IQSEC1: variants seen among roughly 807,000 people sequenced by gnomAD.
The protein encoded by IQSEC1 is IQ motif and SEC7 domain-containing protein 1.
Under a neutral mutation model 91.0 loss-of-function variants are expected in IQSEC1, and 31 were observed. The ratio of observed to expected loss-of-function variants is 0.34; its 90% confidence interval spans 0.26 to 0.46. The LOEUF is 0.46. Ranked by LOEUF, IQSEC1 falls within the 20% of genes least tolerant of loss-of-function variation. The probability of loss-of-function intolerance (pLI) is 1.00; values close to 1 mark genes in which losing one functional copy is unlikely to be tolerated. For missense variants in IQSEC1, 1,388 were observed against 1,575.6 expected (o/e 0.88, Z 2.02); for synonymous variants, 699 against 662.6 (o/e 1.05, Z -0.84).
At chr3:12,952,630 C>A (rs543349228) in intron 1 of IQSEC1, among the ~76,000 whole-genome samples, 3 of 152,354 alleles carry the variant, frequency 2.0e-5, no homozygotes, top group African/African-American at 7.2e-5. Context: ...AGCCATTCCT[C>A]CTGCCACCCT....
Position 12,899,139 on chromosome 3 carries a change from G to C in IQSEC1, c.*1844C>G. The C allele has an allele frequency of 1.8e-6, 1 of 547,660 alleles. No individual in the cohort carries two copies. The highest frequency in any genetic ancestry group is 3.3e-6 in the Non-Finnish European group (1 of 304,776). 33.9% of individuals were successfully genotyped at this position (547,660 alleles called of 1,614,324 possible). A position where few individuals can be genotyped will look rare whatever the true frequency, so the allele number is the denominator to read the frequency against. ...TGGTTTGCAGATTTGCTGGTACGGT[G>C]ATCTCAATGATATGACCGAGGGTGG... On this transcript the variant is annotated 3_prime_UTR_variant, in exon 14 of 14. Transcript: ENST00000613206.
intron 1 of IQSEC1, among the ~76,000 whole-genome samples, chr3:12,981,357 G>A (rs1030470932): frequency 2.0e-5 from 3 of 152,172 alleles, no homozygotes; most frequent in Non-Finnish European, 2.9e-5. Context: ...CCACATTTGT[G>A]TTTAAAAATG....
chr3:13,239,205 T>G (rs1317879120), intron 1 of IQSEC1, among the ~76,000 whole-genome samples: 1 of 152,238 alleles, frequency 6.6e-6, no homozygotes, highest in Non-Finnish European at 1.5e-5. Context: ...CTCCGGTTTA[T>G]GCTGGCGGAC....
rs546483075 is a variant in IQSEC1, at chr3:13,176,428, C to T, written c.273-12295G>A. Among the ~76,000 whole-genome samples the T allele has an allele frequency of 3.3e-5, 5 of 152,350 alleles. No homozygotes were observed. The East Asian group carries it at 9.6e-4, about 29-fold the overall frequency. On this transcript the variant is annotated intron_variant, in intron 1 of 15. Transcript: ENST00000648114. Reference sequence around the variant, plus strand: ...TGAGAGACACCTTCTTCCACCCTTACCCCTAGCCTGACCCTTGGGAGCCTC... The same window carrying T: ...TGAGAGACACCTTCTTCCACCCTTATCCCTAGCCTGACCCTTGGGAGCCTC...
chr3:13,040,601 G>T (rs1704224365), intron 1 of IQSEC1, among the ~76,000 whole-genome samples: 1 of 152,158 alleles, frequency 6.6e-6, no homozygotes, highest in African/African-American at 2.4e-5. Flanking sequence ...ATCCTTCATG[G>T]GCTCCCCACT....
intron 1 of IQSEC1, among the ~76,000 whole-genome samples, chr3:13,038,299 A>ATATATATATATAT: frequency 1.2e-5 from 1 of 83,504 alleles, no homozygotes; most frequent in African/African-American, 4.0e-5. Context: ...TATATATATA[A>ATATATATATATAT]AATGAAGTAC....
chr3:12,915,022 T>G, intron 8 of IQSEC1, 82 bp downstream of exon 8: 1 of 1,427,730 alleles, frequency 7.0e-7, no homozygotes, highest in Non-Finnish European at 9.7e-7. Context: ...TCTGGGAGCC[T>G]GGGGAGCCGG....
chr3:12,920,245 C>A (rs939191603), intron 6 of IQSEC1, among the ~76,000 whole-genome samples, 185 bp downstream of exon 6: 3 of 152,238 alleles, frequency 2.0e-5, no homozygotes, highest in East Asian at 3.9e-4. Context: ...CACGGGGGCT[C>A]CTCTAAGGCA....
Position 13,267,621 on chromosome 3 carries a change from CT to C in IQSEC1, c.272+15089del, listed in dbSNP as rs559615780. Reference sequence around the variant, plus strand: ...GCAAATTTCTTTTTTTTTTCTTTTTCTTTTTTTTTTTTTTTAGACAGAGTCT... The same window carrying C: ...GCAAATTTCTTTTTTTTTTCTTTTTCTTTTTTTTTTTTTTAGACAGAGTCT... On this transcript the variant is annotated intron_variant, in intron 1 of 15. Coordinates refer to the IQSEC1 transcript ENST00000648114. Among the ~76,000 whole-genome samples the C allele has an allele frequency of 4.1e-3, 556 of 134,548 alleles. 4 individuals carry two copies. Among genetic ancestry groups the C allele is most frequent in the African/African-American group, 6.9e-3 (252 of 36,410 alleles). The allele number at this position is 134,548 out of a possible 152,430, so 88.3% of individuals were successfully genotyped here. A position where few individuals can be genotyped will look rare whatever the true frequency, so the allele number is the denominator to read the frequency against.
intron 1 of IQSEC1, among the ~76,000 whole-genome samples, chr3:13,265,889 TTA>T (rs1491264227): frequency 5.6e-5 from 6 of 107,542 alleles, no homozygotes; most frequent in African/African-American, 7.6e-5. Flanking sequence ...CTACGGGCAT[TTA>T]AAAAAAAAAA....
At chr3:12,952,665 G>A (rs1699630920) in intron 1 of IQSEC1, among the ~76,000 whole-genome samples, 2 of 152,170 alleles carry the variant, frequency 1.3e-5, no homozygotes, top group Admixed American at 1.3e-4. Flanking sequence ...GGCCACTCCA[G>A]CCCAGCCCCC....
intron 1 of IQSEC1, among the ~76,000 whole-genome samples, chr3:13,250,480 T>G (rs1695175844): frequency 6.7e-6 from 1 of 149,310 alleles, no homozygotes; most frequent in African/African-American, 2.5e-5. Context: ...GTGCAGTGGC[T>G]TGATCTTGGC....
intron 1 of IQSEC1, among the ~76,000 whole-genome samples, chr3:13,018,716 G>C (rs944492716): frequency 3.3e-5 from 5 of 152,172 alleles, no homozygotes; most frequent in Non-Finnish European, 7.4e-5. Context: ...ATCCCCACAC[G>C]CATCTCACAG....
chr3:13,032,136 G>C (rs890482867), intron 1 of IQSEC1, among the ~76,000 whole-genome samples: 4 of 152,146 alleles, frequency 2.6e-5, no homozygotes. Flanking sequence ...TTGTTTGAGA[G>C]TAAGGTGCCC....
In IQSEC1 at chr3:13,019,310, C is replaced by T. The variant is rs572908107; in HGVS notation, c.23+53682G>A. 3.7e-4 allele frequency among the ~76,000 whole-genome samples: 56 copies of T among 152,386 alleles called. 1 individual carries two copies. The highest frequency in any genetic ancestry group is 1.3e-3 in the African/African-American group (56 of 41,600). ...GTCGCCAAACCCCTGGGCAGAGGGC[C>T]AGGGCTGGCAGGCGCACAGCTGCTC... On this transcript the variant is annotated intron_variant, in intron 1 of 13. Coordinates refer to ENST00000613206, the MANE Select transcript of IQSEC1 (RefSeq NM_001134382.3).
intron 1 of IQSEC1, among the ~76,000 whole-genome samples, chr3:12,957,398 C>A (rs1258037675): frequency 6.6e-6 from 1 of 152,226 alleles, no homozygotes; most frequent in African/African-American, 2.4e-5. Flanking sequence ...AACCCCTGGG[C>A]TCACTCGGAA....
chr3:13,208,805 C>T (rs1368012282), intron 1 of IQSEC1, among the ~76,000 whole-genome samples: 1 of 152,236 alleles, frequency 6.6e-6, no homozygotes, highest in Non-Finnish European at 1.5e-5. Flanking sequence ...GCACTCACTC[C>T]ACCCTGGAGG....
chr3:13,198,238 G>T (rs1359890284), intron 1 of IQSEC1, among the ~76,000 whole-genome samples: 1 of 152,170 alleles, frequency 6.6e-6, no homozygotes, highest in Non-Finnish European at 1.5e-5. Context: ...TTTACTTTCT[G>T]CTTCTCCTGC....
chr3:13,061,226 G>T (rs894809111), intron 1 of IQSEC1, among the ~76,000 whole-genome samples: 2 of 152,148 alleles, frequency 1.3e-5, no homozygotes, highest in Non-Finnish European at 2.9e-5. Flanking sequence ...CCGGCAGCAT[G>T]GGCATGACTG....
Sources: allele counts gnomAD v4.1 joint callset (sites outside exome capture counted in the v4.1 genomes callset), GRCh38; gene constraint gnomAD v4.1.1; transcripts MANE v1.5; gene names NCBI Gene and HGNC (gene_info 2026-07-23, HGNC 2026-07-21).